The following MAML2 variants were observed in gnomAD, a reference collection of about 807,000 sequenced individuals.
MAML2 encodes mastermind like transcriptional coactivator 2.
MAML2 carries 22 observed loss-of-function variants against 96.1 expected under a neutral mutation model. The observed-to-expected ratio is 0.23, with a 90% CI of 0.16 to 0.33. The LOEUF (loss-of-function observed/expected upper bound fraction) is 0.33. Ranked by LOEUF, MAML2 falls within the 10% of genes least tolerant of loss-of-function variation. MAML2 has a pLI of 1.00. For missense variants in MAML2, 1,367 were observed against 1,392.4 expected (o/e 0.98, Z 0.29); for synonymous variants, 561 against 521.3 (o/e 1.08, Z -1.04).
Position 96,299,034 on chromosome 11 carries a change from G to T in MAML2, c.513+42349C>A, listed in dbSNP as rs1341435696. On this transcript the variant is annotated intron_variant, in intron 1 of 4. Coordinates refer to ENST00000524717, the MANE Select transcript of MAML2 (RefSeq NM_032427.4). Reference sequence around the variant, plus strand: ...CACTCCAGCCTGGGCAACAGAGCGAGAGTCCATCTCAAAAAAAAAAAAAAA... The same window carrying T: ...CACTCCAGCCTGGGCAACAGAGCGATAGTCCATCTCAAAAAAAAAAAAAAA... 8.2e-5 allele frequency among the ~76,000 whole-genome samples: 5 copies of T among 61,338 alleles called. No homozygotes were observed. The East Asian group carries it at 2.5e-3, about 30-fold the overall frequency. 40.2% of individuals were successfully genotyped at this position (61,338 alleles called of 152,430 possible). A position where few individuals can be genotyped will look rare whatever the true frequency, so the allele number is the denominator to read the frequency against.
At chr11:96,005,232 T>C (rs1395634599) in intron 2 of MAML2, among the ~76,000 whole-genome samples, 2 of 151,438 alleles carry the variant, frequency 1.3e-5, no homozygotes, top group African/African-American at 4.9e-5. Context: ...TAGCATTTAT[T>C]TTAACTATTA....
rs141736810 is a variant in MAML2 at position 96,138,149 on chromosome 11, T to C, written c.514-44632A>G. ...TGTATACCTCAAGATCCTCCTTTTG[T>C]AATCAAAGATTTGAACACCCAAAAA... On this transcript the variant is annotated intron_variant, in intron 1 of 4. Transcript: ENST00000524717. 3.8e-3 allele frequency among the ~76,000 whole-genome samples: 582 copies of C among 152,314 alleles called. 4 individuals are homozygous for C. The highest frequency in any genetic ancestry group is 0.021 in the South Asian group (99 of 4,826).
intron 2 of MAML2, among the ~76,000 whole-genome samples, chr11:96,088,550 C>T (rs73523525): frequency 0.021 from 3,219 of 152,232 alleles, 120 homozygotes; most frequent in African/African-American, 0.074. Flanking sequence ...CCATAATCCT[C>T]AAATCAGGAA....
intron 1 of MAML2, among the ~76,000 whole-genome samples, chr11:96,227,219 G>A (rs1862225728): frequency 6.6e-6 from 1 of 152,112 alleles, no homozygotes; most frequent in African/African-American, 2.4e-5. Context: ...CAAGTTTTCT[G>A]ACTCTCTAAA....
intron 1 of MAML2, among the ~76,000 whole-genome samples, chr11:96,131,038 C>T (rs369893902): frequency 1.4e-3 from 212 of 151,946 alleles, no homozygotes; most frequent in Admixed American, 2.7e-3. Flanking sequence ...AAATCTGTAG[C>T]GAGAGTAATC....
intron 1 of MAML2, among the ~76,000 whole-genome samples, chr11:96,116,221 T>C (rs769589185): frequency 6.6e-6 from 1 of 152,212 alleles, no homozygotes; most frequent in Non-Finnish European, 1.5e-5. Flanking sequence ...AAATTCTACA[T>C]GCTTTTTATT....
At chr11:96,249,757 C>T (rs989181309) in intron 1 of MAML2, among the ~76,000 whole-genome samples, 1 of 152,154 alleles carries the variant, frequency 6.6e-6, no homozygotes, top group African/African-American at 2.4e-5. Context: ...GCAACCATCA[C>T]TTCCAACTTG....
At chr11:96,037,719 T>C (rs1858741420) in intron 2 of MAML2, among the ~76,000 whole-genome samples, 1 of 152,164 alleles carries the variant, frequency 6.6e-6, no homozygotes, top group African/African-American at 2.4e-5. Context: ...GGGAGCTGTG[T>C]TCAAAGGCAA....
chr11:96,177,888 G>GA (rs1861411087), intron 1 of MAML2, among the ~76,000 whole-genome samples: 1 of 149,346 alleles, frequency 6.7e-6, no homozygotes, highest in Non-Finnish European at 1.5e-5. Context: ...GAGGGAAGTA[G>GA]AAAAAATTGA....
chr11:96,034,456 A>AGT (rs1554998954), intron 2 of MAML2, among the ~76,000 whole-genome samples: 3,730 of 144,760 alleles, frequency 0.026, 111 homozygotes, highest in African/African-American at 0.077. Context: ...AGAGAGAGAG[A>AGT]GTGTGTGTGT....
At chr11:96,290,714 T>C (rs2135991629) in intron 1 of MAML2, among the ~76,000 whole-genome samples, 1 of 152,346 alleles carries the variant, frequency 6.6e-6, no homozygotes, top group African/African-American at 2.4e-5. Context: ...AAAACCTTCA[T>C]GAAATGGTAT....
At chr11:96,157,799 A>C (rs1469943072) in intron 1 of MAML2, among the ~76,000 whole-genome samples, 5 of 152,344 alleles carry the variant, frequency 3.3e-5, no homozygotes, top group Admixed American at 3.3e-4. Flanking sequence ...GCCAGAAAGA[A>C]TCCAAATAAA....
chr11:96,227,397 A>G (rs893990407), intron 1 of MAML2, among the ~76,000 whole-genome samples: 4 of 152,198 alleles, frequency 2.6e-5, no homozygotes, highest in East Asian at 3.8e-4. Context: ...ATTCACAGCT[A>G]TACTGTAAGT....
chr11:96,304,352 C>T lies in MAML2; in HGVS notation c.513+37031G>A, dbSNP rs190893592. Among the ~76,000 whole-genome samples the T allele has an allele frequency of 9.2e-5, 14 of 152,236 alleles. No individual in the cohort carries two copies. The East Asian group carries it at 2.1e-3, about 23-fold the overall frequency. On this transcript the variant is annotated intron_variant, in intron 1 of 4. Transcript: ENST00000524717. ...ATGAGGAAGCTTGGAATTTGGGGTGCCATTTAAAGATTTTAAGTGGAGACT... is the reference window on the plus strand; with the variant it reads ...ATGAGGAAGCTTGGAATTTGGGGTGTCATTTAAAGATTTTAAGTGGAGACT...
intron 1 of MAML2, among the ~76,000 whole-genome samples, chr11:96,094,241 A>G (rs1859787226): frequency 1.3e-5 from 2 of 152,240 alleles, no homozygotes; most frequent in Admixed American, 1.3e-4. Flanking sequence ...TCCTGTAACT[A>G]AATCTCGTTA....
chr11:96,039,897 G>A lies in MAML2; in HGVS notation c.2140-48174C>T, dbSNP rs568986652. On this transcript the variant is annotated intron_variant, in intron 2 of 4. Coordinates refer to ENST00000524717, the MANE Select transcript of MAML2 (RefSeq NM_032427.4). ...GGCGTGAACCCGGGAGGCGAAGCTT[G>A]CAGTGAGCAGAGATCGTGCCACTGC... 5.4e-4 allele frequency among the ~76,000 whole-genome samples: 81 copies of A among 150,108 alleles called. 1 individual carries two copies. The highest frequency in any genetic ancestry group is 1.9e-3 in the African/African-American group (76 of 40,664).
At chr11:96,306,688 C>T (rs1184209376) in intron 1 of MAML2, among the ~76,000 whole-genome samples, 1 of 152,174 alleles carries the variant, frequency 6.6e-6, no homozygotes, top group African/African-American at 2.4e-5. Flanking sequence ...CAAACTTACA[C>T]TATTTTTTTC....
chr11:96,205,320 C>T (rs367998886), intron 1 of MAML2, among the ~76,000 whole-genome samples: 57 of 152,300 alleles, frequency 3.7e-4, no homozygotes, highest in African/African-American at 1.3e-3. Context: ...GGACCATCCC[C>T]GGGCCTTAAC....
chr11:96,027,688 T>A (rs1251061985), intron 2 of MAML2, among the ~76,000 whole-genome samples: 1 of 152,096 alleles, frequency 6.6e-6, no homozygotes, highest in Admixed American at 6.6e-5. Context: ...GACACAAAGC[T>A]GAGGGGAGCG....
Sources: allele counts gnomAD v4.1 joint callset (sites outside exome capture counted in the v4.1 genomes callset), GRCh38; gene constraint gnomAD v4.1.1; transcripts MANE v1.5; gene names NCBI Gene and HGNC (gene_info 2026-07-23, HGNC 2026-07-21).